The following CUL7 variants were observed in gnomAD, a reference collection of about 807,000 sequenced individuals.
The protein encoded by CUL7 is cullin 7, also known as cullin-7.
Under a neutral mutation model 177.7 loss-of-function variants are expected in CUL7, and 96 were observed. The observed-to-expected ratio is 0.54, with a 90% CI of 0.46 to 0.64. CUL7 has a LOEUF of 0.64. CUL7 is among the 30% of genes least tolerant of loss of function. CUL7 has a pLI of 0.00. For synonymous variants in CUL7, 824 were observed against 890.2 expected (o/e 0.93, Z 1.32); for missense variants, 1,893 against 2,187.9 (o/e 0.87, Z 2.69).
In CUL7 at chr6:43,044,837, G is replaced by A. The variant is rs774308236; in HGVS notation, c.3087C>T (p.Leu1029=). 1.9e-6 allele frequency: 3 copies of A among 1,613,988 alleles called. No individual in the cohort carries two copies. Among genetic ancestry groups the A allele is most frequent in the African/African-American group, 1.3e-5 (1 of 75,028 alleles). Residue 1029 remains leucine, a synonymous_variant, in exon 16 of 26, where the codon CTC becomes CTT. Transcript: ENST00000265348. ...GAGCTTGGGCAGCCTCGTCATCAGG[G>A]AGGAAGCGGTCAGCAAAATTCTGCT... ...RQEQNFADRF[L]PDDEAAQALG...
chr6:43,045,499 C>T lies in CUL7; in HGVS notation c.2862+88G>A. ...ACCTCACCCCTGGAGCTGCTCGAGA[C>T]CCAGGCTGGTCCTCTGGCTTAAGAT... On this transcript the variant is annotated intron_variant, in intron 14 of 25. Transcript: ENST00000265348. This position sits in a 1 kb window ranked among gnomAD's most constrained non-coding sequence, Gnocchi z 4.8. The T allele has an allele frequency of 6.2e-7, 1 of 1,612,312 alleles. No homozygotes were observed. Among genetic ancestry groups the T allele is most frequent in the East Asian group, 2.2e-5 (1 of 44,880 alleles).
chr6:43,046,071 G>C lies in CUL7; in HGVS notation c.2681C>G (p.Ala894Gly). The C allele has an allele frequency of 1.2e-6, 2 of 1,614,162 alleles. No individual in the cohort carries two copies. Among genetic ancestry groups the C allele is most frequent in the Non-Finnish European group, 1.7e-6 (2 of 1,180,006 alleles). Residue 894 changes from alanine to glycine, a missense_variant, in exon 13 of 26, where the codon GCT becomes GGT. By Grantham distance (60) the Ala-to-Gly change is moderately conservative. This residue lies in a region of CUL7 where 973 missense variants were observed against 1,140.9 expected (regional missense o/e 0.85). Transcript: ENST00000265348. The part of the protein sequence containing the change: ...ILIRQLTLLV[A>G]SEDSSYMPAR... ...CGGCATGTAACTCGAGTCCTCACTA[G>C]CCACAAGCAGAGTCAGTTGCCTGGG...
intron 19 of CUL7, among the ~76,000 whole-genome samples, chr6:43,041,382 G>A (rs1039854023): frequency 7.2e-5 from 11 of 152,202 alleles, no homozygotes; most frequent in Non-Finnish European, 1.0e-4. Flanking sequence ...GAGACAGGCA[G>A]ATGGCTTGAA....
In CUL7 at chr6:43,043,231, T is replaced by A. The variant is rs1763603949; in HGVS notation, c.3356-51A>T. 2 of 1,461,000 alleles carry A rather than the reference T, an allele frequency of 1.4e-6. No homozygotes were observed. Among genetic ancestry groups the A allele is most frequent in the Non-Finnish European group, 1.9e-6 (2 of 1,046,906 alleles). The allele number at this position is 1,461,000 out of a possible 1,614,324, so 90.5% of individuals were successfully genotyped here. On this transcript the variant is annotated intron_variant, in intron 17 of 25. Transcript: ENST00000265348. This position sits in a 1 kb window ranked among gnomAD's most constrained non-coding sequence, Gnocchi z 4.2. ...GGCAAGGAGGGTGCAGCCCCTCCAC[T>A]CCCAAGTCCCCATCCAAGGGGGTTC...
chr6:43,052,730 G>C lies in CUL7; in HGVS notation c.59C>G (p.Ala20Gly), dbSNP rs149653927. 24 of 1,612,026 alleles carry C rather than the reference G, an allele frequency of 1.5e-5. No individual in the cohort carries two copies. The highest frequency in any genetic ancestry group is 2.0e-5 in the Non-Finnish European group (24 of 1,180,040). The change falls in exon 2 of 26, where the codon GCC (alanine) becomes GGC (glycine). Residue 20 changes from alanine to glycine, a missense_variant. This residue lies in a region of CUL7 where 653 missense variants were observed against 725.2 expected (regional missense o/e 0.90). Coordinates refer to ENST00000265348, the MANE Select transcript of CUL7 (RefSeq NM_014780.5). This position sits in a 1 kb window ranked among gnomAD's most constrained non-coding sequence, Gnocchi z 4.5. Reference protein sequence around the residue: ...FRVPLGPGLHAYPDELIRQRV... With the variant: ...FRVPLGPGLHGYPDELIRQRV... ...CTGGCGGATCAGCTCATCAGGATAG[G>C]CATGTAAGCCGGGCCCCAGGGGCAC...
chr6:43,043,640 G>A lies in CUL7; in HGVS notation c.3173-10C>T. 1.3e-6 allele frequency: 2 copies of A among 1,582,468 alleles called. No homozygotes were observed. Among genetic ancestry groups the A allele is most frequent in the African/African-American group, 1.3e-5 (1 of 74,508 alleles). On this transcript the variant is annotated splice_polypyrimidine_tract_variant and intron_variant, in intron 16 of 25. Transcript: ENST00000265348. The surrounding 1 kb of genome is among the most constrained non-coding windows in gnomAD (Gnocchi z 4.2). ...CTAATGCCATCCTCATCTAGAGGGT[G>A]AGATAAACAAACCAAGGCACAGCCA...
chr6:43,050,073 C>G lies in CUL7; in HGVS notation c.1459G>C (p.Glu487Gln). Residue 487 changes from glutamate to glutamine, a missense_variant, in exon 6 of 26, where the codon GAA (glutamate) becomes CAA (glutamine). Physicochemically the swap from Glu to Gln is conservative, Grantham distance 29. Coordinates refer to ENST00000265348, the MANE Select transcript of CUL7 (RefSeq NM_014780.5). The surrounding 1 kb of genome is among the most constrained non-coding windows in gnomAD (Gnocchi z 4.1). ...LPEDEDTEECEHLTLAEWWEL... is the reference protein window; with the variant it reads ...LPEDEDTEECQHLTLAEWWEL... Reference sequence around the variant, plus strand: ...CACCACTCAGCCAGGGTCAGGTGTTCACACTCCTCAGTGTCCTCATCCTCA... The same window carrying G: ...CACCACTCAGCCAGGGTCAGGTGTTGACACTCCTCAGTGTCCTCATCCTCA... 6.2e-7 allele frequency: 1 copy of G among 1,614,212 alleles called. No homozygotes were observed. Among genetic ancestry groups the G allele is most frequent in the East Asian group, 2.2e-5 (1 of 44,888 alleles).
In CUL7 at chr6:43,046,332, T is replaced by A; in HGVS notation, c.2564A>T (p.Lys855Met). Residue 855 changes from lysine (K) to methionine (M), a missense_variant, in exon 12 of 26, where the codon AAG becomes ATG. By Grantham distance (95) the Lys-to-Met change is moderately conservative (BLOSUM62 -1). Transcript: ENST00000265348. Reference protein sequence around the residue: ...EVSSNPHRASKLTDHNPKTYW... With the variant: ...EVSSNPHRASMLTDHNPKTYW... ...GGTCTTGGGGTTGTGGTCCGTCAGC[T>A]TGCTGGCCCGGTGCGGGTTGGAGGA... The A allele has an allele frequency of 6.2e-7, 1 of 1,614,204 alleles. No homozygotes were observed. The highest frequency in any genetic ancestry group is 8.5e-7 in the Non-Finnish European group (1 of 1,180,032).
At position 43,045,969 on chromosome 6, in the gene CUL7, T is replaced by C; in HGVS notation, c.2766+17A>G. 1 of 1,596,134 alleles carries C rather than the reference T, an allele frequency of 6.3e-7. No homozygotes were observed. Among genetic ancestry groups the C allele is most frequent in the Non-Finnish European group, 8.6e-7 (1 of 1,163,752 alleles). ...CTGTGAGGGGTGGAGTAATGGCTAA[T>C]GGCCCTGGGGTCCTACCGAGTTGAG... On this transcript the variant is annotated intron_variant, in intron 13 of 25. Coordinates refer to ENST00000265348, the MANE Select transcript of CUL7 (RefSeq NM_014780.5). The surrounding 1 kb of genome is among the most constrained non-coding windows in gnomAD (Gnocchi z 4.8).
At position 43,051,496 on chromosome 6, in the gene CUL7, C is replaced by T. The variant is rs199967359; in HGVS notation, c.733-28G>A. The T allele has an allele frequency of 1.9e-6, 3 of 1,614,014 alleles. No individual in the cohort carries two copies. The highest frequency in any genetic ancestry group is 2.5e-6 in the Non-Finnish European group (3 of 1,180,012). ...GTGGGATACAACCTTTGGCCTATAT[C>T]CACCTTGTCCCAGTTTAAGCCCCTC... is the stretch of plus-strand genomic sequence containing the variant. On this transcript the variant is annotated intron_variant, in intron 3 of 25. Transcript: ENST00000265348. The surrounding 1 kb of genome is among the most constrained non-coding windows in gnomAD (Gnocchi z 5.0).
At position 43,052,479 on chromosome 6, in the gene CUL7, T is replaced by C; in HGVS notation, c.310A>G (p.Lys104Glu). ...GTTTCCATCTCCTCCAGCACAGATT[T>C]GTCCAGGGCCCCAACCTCCCCTGCA... is the stretch of plus-strand genomic sequence containing the variant. ...ESAGEVGALD[K>E]SVLEEMETDV... is the part of the protein sequence containing the mutation. Residue 104 changes from lysine to glutamate, a missense_variant, in exon 2 of 26, where the codon AAA (lysine) becomes GAA (glutamate). Physicochemically the swap from Lys to Glu is moderately conservative, Grantham distance 56. Coordinates refer to ENST00000265348, the MANE Select transcript of CUL7 (RefSeq NM_014780.5). The surrounding 1 kb of genome is among the most constrained non-coding windows in gnomAD (Gnocchi z 4.5). 1 of 1,614,204 alleles carries C rather than the reference T, an allele frequency of 6.2e-7. No homozygotes were observed. Among genetic ancestry groups the C allele is most frequent in the Non-Finnish European group, 8.5e-7 (1 of 1,180,044 alleles).
rs577338842 is a variant in CUL7, at chr6:43,045,800, C to A, written c.2767-118G>T. On this transcript the variant is annotated intron_variant, in intron 13 of 25. Transcript: ENST00000265348. This position sits in a 1 kb window ranked among gnomAD's most constrained non-coding sequence, Gnocchi z 4.8. ...AGCCCTGGGATGTGTAGGGTCCTGA[C>A]AAAGCTGTCCTCATGCCACCCTCAT... 1.4e-5 allele frequency: 17 copies of A among 1,237,096 alleles called. No individual in the cohort carries two copies. In the East Asian group the frequency reaches 3.7e-4, roughly 27 times the overall value. The allele number at this position is 1,237,096 out of a possible 1,614,324, so 76.6% of individuals were successfully genotyped here.
chr6:43,053,846 A>G lies in CUL7; in HGVS notation c.-233T>C. 3 of 1,532,974 alleles carry G rather than the reference A, an allele frequency of 2.0e-6. No individual in the cohort carries two copies. The highest frequency in any genetic ancestry group is 2.6e-6 in the Non-Finnish European group (3 of 1,146,272). The allele number at this position is 1,532,974 out of a possible 1,614,324, so 95.0% of individuals were successfully genotyped here. A position where few individuals can be genotyped will look rare whatever the true frequency, so the allele number is the denominator to read the frequency against. On this transcript the variant is annotated 5_prime_UTR_variant, in exon 1 of 26. Transcript: ENST00000265348. The surrounding 1 kb of genome is among the most constrained non-coding windows in gnomAD (Gnocchi z 4.1). ...CCTGCCAGCGGCTCCGCCAGCCAAAAGCCACGGCTCATTTCCGCCCGACCC... is the reference window on the plus strand; with the variant it reads ...CCTGCCAGCGGCTCCGCCAGCCAAAGGCCACGGCTCATTTCCGCCCGACCC...
In CUL7 at chr6:43,045,884, A is replaced by G. The variant is rs1372903117; in HGVS notation, c.2766+102T>C. ...AAGGACACTACTTTCTGTGGGGCTC[A>G]AGACAGGTGGGAGTTAGAAAAAAGT... On this transcript the variant is annotated intron_variant, in intron 13 of 25. Transcript: ENST00000265348. The surrounding 1 kb of genome is among the most constrained non-coding windows in gnomAD (Gnocchi z 4.8). 1 of 1,127,396 alleles carries G rather than the reference A, an allele frequency of 8.9e-7. No homozygotes were observed. The highest frequency in any genetic ancestry group is 1.3e-6 in the Non-Finnish European group (1 of 755,926). The allele number at this position is 1,127,396 out of a possible 1,614,324, so 69.8% of individuals were successfully genotyped here.
At position 43,038,258 on chromosome 6, in the gene CUL7, C is replaced by T; in HGVS notation, c.4773+9G>A. On this transcript the variant is annotated intron_variant, in intron 25 of 25. Transcript: ENST00000265348. ...AGATCTGTCACCCATTGTGCCCACC[C>T]CTGCCTACCAGACAGACAAGCTGGT... 1 of 1,614,012 alleles carries T rather than the reference C, an allele frequency of 6.2e-7. No individual in the cohort carries two copies. The highest frequency in any genetic ancestry group is 8.5e-7 in the Non-Finnish European group (1 of 1,179,982).
chr6:43,049,854 T>C, intron 6 of CUL7, 109 bp downstream of exon 6: 1 of 1,364,664 alleles, frequency 7.3e-7, no homozygotes. Flanking sequence ...CTGCAGCCCC[T>C]TCCACTCTCT....
In CUL7 at chr6:43,040,736, C is replaced by T; in HGVS notation, c.3817G>A (p.Ala1273Thr). 1 of 1,614,124 alleles carries T rather than the reference C, an allele frequency of 6.2e-7. No homozygotes were observed. Among genetic ancestry groups the T allele is most frequent in the Non-Finnish European group, 8.5e-7 (1 of 1,180,024 alleles). ...GAGACCACGCCCAGGAGACGGTCCGCCATGTAGTGCCTGCAGTGCATGCAG... is the reference window on the plus strand; with the variant it reads ...GAGACCACGCCCAGGAGACGGTCCGTCATGTAGTGCCTGCAGTGCATGCAG... The part of the protein sequence containing the change: ...TFEHYYQHYM[A>T]DRLLGVVSSW... The change falls in exon 21 of 26, where the codon GCG (alanine) becomes ACG (threonine). Residue 1273 changes from alanine to threonine, a missense_variant. This residue lies in a region of CUL7 where 973 missense variants were observed against 1,140.9 expected (regional missense o/e 0.85). Transcript: ENST00000265348. This position sits in a 1 kb window ranked among gnomAD's most constrained non-coding sequence, Gnocchi z 4.2.
At chr6:43,046,839 C>T (rs1256690178) in intron 10 of CUL7, 41 bp downstream of exon 10, 1 of 1,343,720 alleles carries the variant, frequency 7.4e-7, no homozygotes, top group South Asian at 1.2e-5. Context: ...GTTTCATATT[C>T]TGATGCCACT....
At position 43,051,035 on chromosome 6, in the gene CUL7, T is replaced by C; in HGVS notation, c.1166A>G (p.Tyr389Cys). The change falls in exon 4 of 26, where the codon TAT becomes TGT. Residue 389 changes from tyrosine to cysteine, a missense_variant. Tyr to Cys is a radical substitution (Grantham distance 194). Coordinates refer to ENST00000265348, the MANE Select transcript of CUL7 (RefSeq NM_014780.5). The surrounding 1 kb of genome is among the most constrained non-coding windows in gnomAD (Gnocchi z 5.0). Reference protein sequence around the residue: ...PGMRVRMLDDYEEISAGDEGE... With the variant: ...PGMRVRMLDDCEEISAGDEGE... The stretch of plus-strand genomic sequence containing the variant: ...CTCATCCCCGGCACTGATCTCCTCA[T>C]AATCATCCAGCATCCGCACTCGCAT... 1 of 1,614,128 alleles carries C rather than the reference T, an allele frequency of 6.2e-7. No homozygotes were observed. The highest frequency in any genetic ancestry group is 8.5e-7 in the Non-Finnish European group (1 of 1,180,006).
Sources: gnomAD v4.1 joint callset for allele counts (sites outside exome capture counted in the v4.1 genomes callset) on GRCh38, gnomAD v4.1.1 for gene constraint, gnomAD v4.1.1 regional missense constraint, Gnocchi (gnomAD v3.1) non-coding constraint, MANE v1.5 for transcripts, NCBI Gene and HGNC (gene_info 2026-07-23, HGNC 2026-07-21) for gene names.